The following LRRFIP2 variants were observed in gnomAD, a reference collection of about 807,000 sequenced individuals.
The protein encoded by LRRFIP2 is leucine-rich repeat flightless-interacting protein 2.
Under a neutral mutation model 125.9 loss-of-function variants are expected in LRRFIP2, and 109 were observed. The ratio of observed to expected loss-of-function variants is 0.87; its 90% CI spans 0.74 to 1.01. The LOEUF is 1.01. Ranked by LOEUF, LRRFIP2 falls within the 50% of genes least tolerant of loss-of-function variation. The pLI, the probability that LRRFIP2 is intolerant of heterozygous loss-of-function variation, is 0.00. For synonymous variants in LRRFIP2, 291 were observed against 293.1 expected, an observed-to-expected ratio of 0.99 and a Z score of 0.07; for missense variants, 850 against 862.3, an observed-to-expected ratio of 0.99 and a Z score of 0.18.
intron 19 of LRRFIP2, among the ~76,000 whole-genome samples, chr3:37,076,634 A>AGGTG (rs1424511811): frequency 2.6e-5 from 4 of 152,220 alleles, no homozygotes; most frequent in Non-Finnish European, 5.9e-5. Flanking sequence ...TGGGAGGCCG[A>AGGTG]GGTGGGCGGA....
intron 2 of LRRFIP2, among the ~76,000 whole-genome samples, chr3:37,130,242 C>T (rs758764791): frequency 2.4e-4 from 37 of 152,186 alleles, no homozygotes; most frequent in Non-Finnish European, 5.0e-4. Flanking sequence ...TCATCTCTTG[C>T]TTACAGTTAC....
In LRRFIP2 at chr3:37,094,872, G is replaced by C. The variant is rs770127474; in HGVS notation, c.955C>G (p.Leu319Val). The C allele has an allele frequency of 5.0e-6, 8 of 1,613,766 alleles. No individual in the cohort carries two copies. Among genetic ancestry groups the C allele is most frequent in the Middle Eastern group, 1.6e-4 (1 of 6,072 alleles). Reference sequence around the variant, plus strand: ...CCTCGTCTGGATGAGTTTCCACTTAGAGGGGTTGTTGCTGAGGCAGAATTT... The same window carrying C: ...CCTCGTCTGGATGAGTTTCCACTTACAGGGGTTGTTGCTGAGGCAGAATTT... ...SRNSASATTPLSGNSSRRGSG... is the reference protein window; with the variant it reads ...SRNSASATTPVSGNSSRRGSG... Residue 319 changes from leucine (L) to valine (V), a missense_variant, in exon 17 of 28, where the codon CTA (leucine) becomes GTA (valine). Transcript: ENST00000336686.
At chr3:37,160,500 T>C (rs530235469) in intron 1 of LRRFIP2, among the ~76,000 whole-genome samples, 1 of 151,560 alleles carries the variant, frequency 6.6e-6, no homozygotes, top group East Asian at 1.9e-4. Context: ...GAGAACAGGG[T>C]CGGGCGCAGT....
intron 2 of LRRFIP2, among the ~76,000 whole-genome samples, chr3:37,148,622 G>A (rs1349620213): frequency 6.6e-6 from 1 of 152,172 alleles, no homozygotes; most frequent in Non-Finnish European, 1.5e-5. Flanking sequence ...ACATACCAAA[G>A]ACCAATGCAG....
intron 15 of LRRFIP2, among the ~76,000 whole-genome samples, chr3:37,102,567 C>T (rs1014939518): frequency 9.0e-5 from 13 of 143,866 alleles, no homozygotes; most frequent in African/African-American, 2.6e-4. Context: ...GGTGTGGTCT[C>T]GGCTCACTGC....
At chr3:37,098,912 T>G (rs1392880275) in intron 15 of LRRFIP2, among the ~76,000 whole-genome samples, 1 of 152,192 alleles carries the variant, frequency 6.6e-6, no homozygotes, top group African/African-American at 2.4e-5. Context: ...TTAAAAGTCT[T>G]CTAAGCTTAT....
chr3:37,110,164 T>A (rs1029545629), intron 9 of LRRFIP2, among the ~76,000 whole-genome samples: 1 of 152,206 alleles, frequency 6.6e-6, no homozygotes, highest in Non-Finnish European at 1.5e-5. Context: ...CCAAGTTATC[T>A]CTACAAACAC....
chr3:37,163,208 T>C (rs1178457577), intron 1 of LRRFIP2, among the ~76,000 whole-genome samples: 2 of 152,204 alleles, frequency 1.3e-5, no homozygotes, highest in East Asian at 3.8e-4. Flanking sequence ...AGCAGCAGTA[T>C]GTACCTTTCC....
Position 37,121,682 on chromosome 3 carries a change from C to A in LRRFIP2, c.238G>T (p.Glu80Ter). Reference protein sequence around the residue: ...GQIQKWLEDSERARYSHRSSH... With the variant: ...GQIQKWLEDS ...GACCGGTGGGAATACCTGGCCCTTT[C>A]CGAATCTTCCTGGGAAAGGAGAAAG... The change falls in exon 5 of 28, where the codon GAA (glutamate) becomes TAA (stop). Residue 80 changes from glutamate to a stop codon, truncating the protein, a stop_gained. Coordinates refer to ENST00000336686, the MANE Select transcript of LRRFIP2 (RefSeq NM_006309.4). LOFTEE classifies it high-confidence loss of function. 1 of 1,614,072 alleles carries A rather than the reference C, an allele frequency of 6.2e-7. No individual in the cohort carries two copies. The highest frequency in any genetic ancestry group is 8.5e-7 in the Non-Finnish European group (1 of 1,179,998).
At chr3:37,068,603 C>A (rs1334953722) in intron 21 of LRRFIP2, 2 of 152,142 alleles carry the variant, frequency 1.3e-5, no homozygotes, top group African/African-American at 4.8e-5. Context: ...ATAACCACTA[C>A]CCTTGTGTTT....
chr3:37,072,803 T>C lies in LRRFIP2; in HGVS notation c.1451A>G (p.Asp484Gly), dbSNP rs2091460081. 1 of 1,611,834 alleles carries C rather than the reference T, an allele frequency of 6.2e-7. No homozygotes were observed. Among genetic ancestry groups the C allele is most frequent in the Admixed American group, 1.7e-5 (1 of 59,862 alleles). The change falls in exon 21 of 28, where the codon GAT becomes GGT. Residue 484 changes from aspartate to glycine, a missense_variant. Coordinates refer to ENST00000336686, the MANE Select transcript of LRRFIP2 (RefSeq NM_006309.4). ...FDLQETLLWK[D>G]KKIGALEKQK... ...TTCATTTCATACCCCAATTTTTTTA[T>C]CTTTCCAAAGAAGTGTCTCCTGGAG...
intron 1 of LRRFIP2, chr3:37,170,369 A>C (rs1306384590): frequency 6.6e-6 from 1 of 152,244 alleles, no homozygotes; most frequent in African/African-American, 2.4e-5. Flanking sequence ...ACATCAGTTA[A>C]AGAACTTTAA....
At chr3:37,054,835 G>C (rs750104803) in intron 26 of LRRFIP2, among the ~76,000 whole-genome samples, 7 of 152,086 alleles carry the variant, frequency 4.6e-5, no homozygotes, top group Non-Finnish European at 7.4e-5. Flanking sequence ...AATGCGTAAG[G>C]GATTTTATTA....
At chr3:37,125,634 T>C (rs1261865762) in intron 4 of LRRFIP2, among the ~76,000 whole-genome samples, 6 of 152,228 alleles carry the variant, frequency 3.9e-5, no homozygotes, top group African/African-American at 1.4e-4. Flanking sequence ...ATATACAGTA[T>C]GCACTCAAAG....
chr3:37,111,074 A>C lies in LRRFIP2; in HGVS notation c.439-9T>G, dbSNP rs755504368. On this transcript the variant is annotated splice_polypyrimidine_tract_variant and intron_variant, in intron 8 of 27. Coordinates refer to ENST00000336686, the MANE Select transcript of LRRFIP2 (RefSeq NM_006309.4). ...TCAAAGTAGAGGCCACTCTGCAAAA[A>C]GCAAAATTAAACACATTTTTCTTAG... The C allele has an allele frequency of 6.2e-7, 1 of 1,612,196 alleles. No individual in the cohort carries two copies. The highest frequency in any genetic ancestry group is 8.5e-7 in the Non-Finnish European group (1 of 1,178,654).
At chr3:37,056,757 A>G (rs2087005697) in intron 25 of LRRFIP2, among the ~76,000 whole-genome samples, 5 of 152,172 alleles carry the variant, frequency 3.3e-5, no homozygotes, top group Admixed American at 3.3e-4. Flanking sequence ...CTGTCACCTT[A>G]AAAGGAACAG....
chr3:37,166,262 G>A (rs1325937255), intron 1 of LRRFIP2, among the ~76,000 whole-genome samples: 2 of 152,018 alleles, frequency 1.3e-5, no homozygotes, highest in African/African-American at 2.4e-5. Flanking sequence ...CCCAGGAGGC[G>A]GAGGTTGCAG....
intron 2 of LRRFIP2, among the ~76,000 whole-genome samples, chr3:37,131,408 C>G (rs999887647): frequency 6.6e-6 from 1 of 152,118 alleles, no homozygotes; most frequent in Non-Finnish European, 1.5e-5. Flanking sequence ...TTCTCTCACC[C>G]CACAACTTTT....
chr3:37,117,101 TA>T (rs1314285960), intron 6 of LRRFIP2, among the ~76,000 whole-genome samples: 1 of 148,050 alleles, frequency 6.8e-6, no homozygotes, highest in South Asian at 2.2e-4. Flanking sequence ...ATTTCTAAAT[TA>T]AAAAAAATCT....
Sources: allele counts gnomAD v4.1 joint callset (sites outside exome capture counted in the v4.1 genomes callset), GRCh38; gene constraint gnomAD v4.1.1; transcripts MANE v1.5; gene names NCBI Gene and HGNC (gene_info 2026-07-23, HGNC 2026-07-21).